HJURP: variants seen among roughly 807,000 people sequenced by gnomAD.
The protein encoded by HJURP is Holliday junction recognition protein, also known as 14-3-3-associated AKT substrate.
A neutral mutation model predicts 72.0 loss-of-function variants in HJURP; 49 were observed. That is an observed-to-expected ratio of 0.68 (90% CI 0.54 to 0.86). HJURP has a LOEUF of 0.86. Among genes scored for constraint, HJURP ranks in the 40% least tolerant of loss-of-function variants. The pLI, the probability that HJURP is intolerant of heterozygous loss-of-function variation, is 0.00. For missense variants in HJURP, 908 were observed against 936.3 expected (o/e 0.97, Z 0.39); for synonymous variants, 357 against 347.1 (o/e 1.03, Z -0.32).
intron 8 of HJURP, among the ~76,000 whole-genome samples, chr2:233,840,335 A>G (rs1705188494): frequency 6.6e-6 from 1 of 152,236 alleles, no homozygotes; most frequent in Admixed American, 6.5e-5. Context: ...GCAGGAAAAA[A>G]GCCTCTGAAT....
chr2:233,851,120 A>G (rs2124977010), intron 3 of HJURP, among the ~76,000 whole-genome samples: 1 of 152,330 alleles, frequency 6.6e-6, no homozygotes, highest in Admixed American at 6.5e-5. Context: ...TTAAGCAAAA[A>G]CCTTAAATAA....
intron 2 of HJURP, among the ~76,000 whole-genome samples, 188 bp downstream of exon 2, chr2:233,853,656 G>A (rs1705548110): frequency 2.0e-5 from 3 of 152,266 alleles, no homozygotes; most frequent in Non-Finnish European, 4.4e-5. Flanking sequence ...GAGCCAGGAG[G>A]CACCTATGTC....
chr2:233,849,617 T>A, intron 4 of HJURP, 146 bp downstream of exon 4: 2 of 588,144 alleles, frequency 3.4e-6, no homozygotes, highest in Non-Finnish European at 3.0e-6. Flanking sequence ...ATCAACAGGG[T>A]ACTTTAACAT....
In HJURP at chr2:233,846,541, G is replaced by A. The variant is rs1191208462; in HGVS notation, c.403-721C>T. On this transcript the variant is annotated intron_variant, in intron 5 of 8. Coordinates refer to ENST00000411486, the MANE Select transcript of HJURP (RefSeq NM_018410.5). This position sits in a 1 kb window ranked among gnomAD's most constrained non-coding sequence, Gnocchi z 4.3. The stretch of plus-strand genomic sequence containing the variant: ...CTGCTAGACACTGGAAATAGAGGGC[G>A]TCACCCTCTATCCTCTGCTGAGTGG... Among the ~76,000 whole-genome samples, 4 of 152,106 alleles carry A rather than the reference G, an allele frequency of 2.6e-5. No individual in the cohort carries two copies. The highest frequency in any genetic ancestry group is 4.4e-5 in the Non-Finnish European group (3 of 68,018).
At position 233,841,137 on chromosome 2, in the gene HJURP, C is replaced by G. The variant is rs17863822; in HGVS notation, c.1643G>C (p.Ser548Thr). 100,319 of 1,614,066 alleles carry G rather than the reference C, an allele frequency of 0.062. 3,600 individuals carry two copies. The highest frequency in any genetic ancestry group is 0.07 in the Non-Finnish European group (83,179 of 1,180,000). ...QTSDLHVQGN[S>T]SGIFRKSVSP... is the part of the protein sequence containing the mutation. ...CACTGACTTTCTAAATATTCCAGAACTATTTCCCTGAACGTGAAGGTCAGA... is the reference window on the plus strand; with the variant it reads ...CACTGACTTTCTAAATATTCCAGAAGTATTTCCCTGAACGTGAAGGTCAGA... Residue 548 changes from serine (S) to threonine (T), a missense_variant, in exon 8 of 9, where the codon AGT (serine) becomes ACT (threonine). Physicochemically the swap from Ser to Thr is moderately conservative, Grantham distance 58. This residue lies in a region of HJURP where 598 missense variants were observed against 619.5 expected (regional missense o/e 0.97). Transcript: ENST00000411486.
In HJURP at chr2:233,846,297, C is replaced by A. The variant is rs527782716; in HGVS notation, c.403-477G>T. ...GTGAAAGTCCATCTCTACTACAATA[C>A]AAAAATTAGCTGGGCATGGTGGTGG... On this transcript the variant is annotated intron_variant, in intron 5 of 8. Transcript: ENST00000411486. The surrounding 1 kb of genome is among the most constrained non-coding windows in gnomAD (Gnocchi z 4.3). Among the ~76,000 whole-genome samples, 2 of 151,996 alleles carry A rather than the reference C, an allele frequency of 1.3e-5. No homozygotes were observed. Among genetic ancestry groups the A allele is most frequent in the Non-Finnish European group, 2.9e-5 (2 of 67,994 alleles).
intron 4 of HJURP, among the ~76,000 whole-genome samples, chr2:233,847,965 T>C (rs183654688): frequency 2.1e-4 from 32 of 152,354 alleles, no homozygotes; most frequent in African/African-American, 7.5e-4. Context: ...AACTATTTCC[T>C]GTGATTTCAA....
At chr2:233,849,997 T>C (rs969894729) in intron 3 of HJURP, 138 bp from the exon 4 acceptor site, 2 of 625,744 alleles carry the variant, frequency 3.2e-6, no homozygotes. Flanking sequence ...CTCTTCTCCC[T>C]GCATGTCCAC....
At chr2:233,852,045 C>A (rs1705508529) in intron 3 of HJURP, among the ~76,000 whole-genome samples, 1 of 152,234 alleles carries the variant, frequency 6.6e-6, no homozygotes, top group Non-Finnish European at 1.5e-5. Flanking sequence ...AGAGCGACAA[C>A]ACCCTCGGAT....
At chr2:233,847,735 G>A (rs965903981) in intron 4 of HJURP, among the ~76,000 whole-genome samples, 2 of 152,194 alleles carry the variant, frequency 1.3e-5, no homozygotes, top group African/African-American at 2.4e-5. Flanking sequence ...AAGTTGAGAC[G>A]CTCAAGCCCA....
At position 233,844,194 on chromosome 2, in the gene HJURP, G is replaced by A; in HGVS notation, c.574+11C>T. ...CACGCACTGTTCATACAGTTTCTAT[G>A]TCACACTCACCGGGGGCAGGCACGG... On this transcript the variant is annotated intron_variant, in intron 7 of 8. Coordinates refer to ENST00000411486, the MANE Select transcript of HJURP (RefSeq NM_018410.5). 2 of 1,612,488 alleles carry A rather than the reference G, an allele frequency of 1.2e-6. No homozygotes were observed. The highest frequency in any genetic ancestry group is 1.1e-5 in the South Asian group (1 of 91,066).
Position 233,846,511 on chromosome 2 carries a change from C to G in HJURP, c.403-691G>C, listed in dbSNP as rs749141214. ...TCCAGCTCAGGAGGCTCTCCTACCC[C>G]TCCCCTGCTAGACACTGGAAATAGA... On this transcript the variant is annotated intron_variant, in intron 5 of 8. Coordinates refer to ENST00000411486, the MANE Select transcript of HJURP (RefSeq NM_018410.5). The surrounding 1 kb of genome is among the most constrained non-coding windows in gnomAD (Gnocchi z 4.3). Among the ~76,000 whole-genome samples the G allele has an allele frequency of 6.6e-6, 1 of 152,130 alleles. No homozygotes were observed. Among genetic ancestry groups the G allele is most frequent in the Non-Finnish European group, 1.5e-5 (1 of 68,028 alleles).
chr2:233,840,573 A>G, intron 8 of HJURP, 36 bp downstream of exon 8: 1 of 1,535,114 alleles, frequency 6.5e-7, no homozygotes, highest in South Asian at 1.3e-5. Context: ...GCAGTCACTC[A>G]CATAAACCAC....
intron 3 of HJURP, among the ~76,000 whole-genome samples, chr2:233,851,900 G>A (rs1705503960): frequency 6.6e-6 from 1 of 152,184 alleles, no homozygotes; most frequent in African/African-American, 2.4e-5. Flanking sequence ...TGACCACAGA[G>A]AGGAACCATG....
intron 4 of HJURP, among the ~76,000 whole-genome samples, chr2:233,848,191 C>T (rs924186486): frequency 1.4e-4 from 22 of 152,004 alleles, no homozygotes; most frequent in Admixed American, 9.8e-4. Flanking sequence ...ACAGAGGCTG[C>T]GGAAGGCCAG....
rs746259190 is a variant in HJURP at position 233,842,051 on chromosome 2, G to A, written c.729C>T (p.Ser243=). The part of the protein sequence containing the change: ...SLSLQETSSS[S]FLSSQPFEDD... ...CTTCAAAGGGCTGGCTGCTTAAGAA[G>A]CTGCTGCTACTGGTCTCTTGTAGGG... Residue 243 remains serine, a synonymous_variant, in exon 8 of 9, where the codon AGC becomes AGT. Transcript: ENST00000411486. The A allele has an allele frequency of 1.4e-5, 22 of 1,614,112 alleles. No homozygotes were observed. The Admixed American group carries it at 3.7e-4, about 27-fold the overall frequency.
chr2:233,838,158 A>G (rs1705127243), intron 8 of HJURP, among the ~76,000 whole-genome samples: 1 of 152,242 alleles, frequency 6.6e-6, no homozygotes, highest in Admixed American at 6.5e-5. Context: ...TCCTCAAGAA[A>G]TCTATCATTT....
At position 233,852,498 on chromosome 2, in the gene HJURP, C is replaced by A; in HGVS notation, c.240+67G>T. ...TAAGCTCAGAGGTTGGGCATACCCA[C>A]ACCTTTATTCATATGAATACTCCTC... On this transcript the variant is annotated intron_variant, in intron 3 of 8. Transcript: ENST00000411486. The A allele has an allele frequency of 2.5e-6, 3 of 1,211,542 alleles. No individual in the cohort carries two copies. The Admixed American group carries it at 5.2e-5, about 21-fold the overall frequency. The allele number at this position is 1,211,542 out of a possible 1,614,324, so 75.0% of individuals were successfully genotyped here.
Position 233,846,663 on chromosome 2 carries a change from G to A in HJURP, c.402+734C>T, listed in dbSNP as rs569949995. ...AGTGAGCATCCACTTTCTTCCCCAG[G>A]ACCACGGCCTTTTTCTTAGTCACTG... On this transcript the variant is annotated intron_variant, in intron 5 of 8. Transcript: ENST00000411486. This position sits in a 1 kb window ranked among gnomAD's most constrained non-coding sequence, Gnocchi z 4.3. Among the ~76,000 whole-genome samples the A allele has an allele frequency of 6.6e-6, 1 of 152,108 alleles. No individual in the cohort carries two copies. Among genetic ancestry groups the A allele is most frequent in the Non-Finnish European group, 1.5e-5 (1 of 68,032 alleles).
Sources: gnomAD v4.1 joint callset for allele counts (sites outside exome capture counted in the v4.1 genomes callset) on GRCh38, gnomAD v4.1.1 for gene constraint, gnomAD v4.1.1 regional missense constraint, Gnocchi (gnomAD v3.1) non-coding constraint, MANE v1.5 for transcripts, NCBI Gene and HGNC (gene_info 2026-07-23, HGNC 2026-07-21) for gene names.